CFAP77: variants seen among roughly 807,000 people sequenced by gnomAD.
The protein encoded by CFAP77 is cilia- and flagella-associated protein 77.
Under a neutral mutation model 31.1 loss-of-function variants are expected in CFAP77, and 25 were observed. The observed-to-expected ratio is 0.80, with a 90% CI of 0.59 to 1.12. The LOEUF (loss-of-function observed/expected upper bound fraction) is 1.12. Ranked by LOEUF, CFAP77 falls within the 50% of genes most tolerant of loss-of-function variation. CFAP77 has a pLI of 0.00. For synonymous variants in CFAP77, 151 were observed against 159.9 expected, an observed-to-expected ratio of 0.94 and a Z score of 0.42; for missense variants, 377 against 397.3, an observed-to-expected ratio of 0.95 and a Z score of 0.44.
At chr9:132,558,804 G>A (rs940144086) in intron 5 of CFAP77, among the ~76,000 whole-genome samples, 12 of 150,060 alleles carry the variant, frequency 8.0e-5, no homozygotes, top group African/African-American at 2.5e-4. Context: ...CCTGAGGTCG[G>A]GAGTTCGAGA....
At chr9:132,476,169 C>T (rs775484975) in intron 1 of CFAP77, among the ~76,000 whole-genome samples, 2 of 152,144 alleles carry the variant, frequency 1.3e-5, no homozygotes, top group Admixed American at 6.5e-5. Flanking sequence ...TCCCTTGTGG[C>T]GTTCCTCTAT....
At position 132,499,658 on chromosome 9, in the gene CFAP77, T is replaced by C. The variant is rs1589889086; in HGVS notation, c.524+58T>C. The C allele has an allele frequency of 6.6e-6, 10 of 1,510,200 alleles. No homozygotes were observed. The Admixed American group carries it at 1.7e-4, about 25-fold the overall frequency. The allele number at this position is 1,510,200 out of a possible 1,614,324, so 93.5% of individuals were successfully genotyped here. On this transcript the variant is annotated intron_variant, in intron 3 of 5. Coordinates refer to ENST00000393216, the MANE Select transcript of CFAP77 (RefSeq NM_001282957.2). The surrounding 1 kb of genome is among the most constrained non-coding windows in gnomAD (Gnocchi z 5.4). ...TGAGGGGGTGGAGGTACCAGCTCAA[T>C]CAGGGACAAGGTCGGAGGGTGACAG...
intron 1 of CFAP77, among the ~76,000 whole-genome samples, chr9:132,458,342 C>CGGGGGGGGGGGGGGGG (rs1554738844): frequency 1.4e-5 from 1 of 71,194 alleles, no homozygotes; most frequent in African/African-American, 5.5e-5. Context: ...GTCTCCCTGG[C>CGGGGGGGGGGGGGGGG]GGGGGAGGGG....
rs985409726 is a variant in CFAP77 at position 132,554,311 on chromosome 9, C to T, written c.732+11264C>T. ...GGGGCCTGAGAGTTGCTACACTTTT[C>T]TTCAGACTATGCTTTATGCAACCCT... On this transcript the variant is annotated intron_variant, in intron 5 of 5. Coordinates refer to ENST00000393216, the MANE Select transcript of CFAP77 (RefSeq NM_001282957.2). The surrounding 1 kb of genome is among the most constrained non-coding windows in gnomAD (Gnocchi z 4.1). Among the ~76,000 whole-genome samples, 2 of 152,108 alleles carry T rather than the reference C, an allele frequency of 1.3e-5. No homozygotes were observed. The highest frequency in any genetic ancestry group is 4.8e-5 in the African/African-American group (2 of 41,406).
At position 132,481,153 on chromosome 9, in the gene CFAP77, G is replaced by A. The variant is rs1369823810; in HGVS notation, c.196-17542G>A. Among the ~76,000 whole-genome samples the A allele has an allele frequency of 6.6e-6, 1 of 152,154 alleles. No homozygotes were observed. The highest frequency in any genetic ancestry group is 2.1e-4 in the South Asian group (1 of 4,826). On this transcript the variant is annotated intron_variant, in intron 1 of 5. Coordinates refer to ENST00000393216, the MANE Select transcript of CFAP77 (RefSeq NM_001282957.2). This position sits in a 1 kb window ranked among gnomAD's most constrained non-coding sequence, Gnocchi z 5.0. ...GTGTCTGCCGGCCATGGATACGACA[G>A]AGCCTGGGGACTGTAAGACCCCAAG...
intron 1 of CFAP77, among the ~76,000 whole-genome samples, chr9:132,442,996 A>C (rs1449218023): frequency 6.6e-6 from 1 of 151,966 alleles, no homozygotes; most frequent in Non-Finnish European, 1.5e-5. Context: ...ACCCCTGCTA[A>C]CCACTAACCT....
intron 1 of CFAP77, among the ~76,000 whole-genome samples, chr9:132,423,750 C>T (rs554870030): frequency 1.3e-5 from 2 of 152,290 alleles, no homozygotes; most frequent in Admixed American, 6.5e-5. Flanking sequence ...GTGTCTTGAG[C>T]CCAGAAAGGC....
chr9:132,445,159 A>T (rs758849445), intron 1 of CFAP77, among the ~76,000 whole-genome samples: 3 of 151,766 alleles, frequency 2.0e-5, no homozygotes, highest in Non-Finnish European at 2.9e-5. Flanking sequence ...TTTTTAGTAG[A>T]CACAGGGTTT....
intron 1 of CFAP77, among the ~76,000 whole-genome samples, chr9:132,416,591 C>T (rs1850104723): frequency 6.6e-6 from 1 of 151,106 alleles, no homozygotes; most frequent in South Asian, 2.1e-4. Flanking sequence ...GATCTGCCTG[C>T]CTCAGGCTCC....
intron 1 of CFAP77, among the ~76,000 whole-genome samples, chr9:132,433,945 T>A (rs1850459304): frequency 6.8e-6 from 1 of 146,864 alleles, no homozygotes; most frequent in African/African-American, 2.5e-5. Context: ...GAGACCAGCC[T>A]GGGCAACATA....
At chr9:132,436,801 G>C (rs1225911497) in intron 1 of CFAP77, among the ~76,000 whole-genome samples, 1 of 152,126 alleles carries the variant, frequency 6.6e-6, no homozygotes, top group Admixed American at 6.6e-5. Flanking sequence ...TTGATGAGTG[G>C]GGTAGTGAGG....
intron 1 of CFAP77, among the ~76,000 whole-genome samples, chr9:132,479,055 C>T (rs1171232767): frequency 6.6e-6 from 1 of 152,144 alleles, no homozygotes; most frequent in African/African-American, 2.4e-5. Context: ...GAGTCTTTTA[C>T]AATAATGGGT....
At chr9:132,432,980 C>G (rs1850438032) in intron 1 of CFAP77, among the ~76,000 whole-genome samples, 2 of 152,152 alleles carry the variant, frequency 1.3e-5, no homozygotes, top group Admixed American at 6.5e-5. Context: ...TCCCAAAGTG[C>G]TGGGATTACA....
In CFAP77 at chr9:132,481,358, C is replaced by G. The variant is rs2118904755; in HGVS notation, c.196-17337C>G. 6.6e-6 allele frequency among the ~76,000 whole-genome samples: 1 copy of G among 152,324 alleles called. No individual in the cohort carries two copies. The highest frequency in any genetic ancestry group is 2.4e-5 in the African/African-American group (1 of 41,572). On this transcript the variant is annotated intron_variant, in intron 1 of 5. Coordinates refer to ENST00000393216, the MANE Select transcript of CFAP77 (RefSeq NM_001282957.2). The surrounding 1 kb of genome is among the most constrained non-coding windows in gnomAD (Gnocchi z 5.0). The stretch of plus-strand genomic sequence containing the variant: ...TGGGGACTTCCCCTCTCCTGAAACC[C>G]CATCCAAGTCCTGCCCACTAAAGCT...
At position 132,572,515 on chromosome 9, in the gene CFAP77, T is replaced by G; in HGVS notation, c.*5T>G. 1.9e-6 allele frequency: 2 copies of G among 1,054,680 alleles called. No individual in the cohort carries two copies. The highest frequency in any genetic ancestry group is 2.7e-6 in the Non-Finnish European group (2 of 751,254). The allele number at this position is 1,054,680 out of a possible 1,614,324, so 65.3% of individuals were successfully genotyped here. ...GGCAACTACACCCACCCCTAGCCCC[T>G]CCCTCCCCTGCCACAAGAAGCCATC... On this transcript the variant is annotated 3_prime_UTR_variant, in exon 6 of 6. Coordinates refer to ENST00000393216, the MANE Select transcript of CFAP77 (RefSeq NM_001282957.2).
chr9:132,498,683 T>A lies in CFAP77; in HGVS notation c.196-12T>A. The A allele has an allele frequency of 6.2e-7, 1 of 1,602,942 alleles. No individual in the cohort carries two copies. The highest frequency in any genetic ancestry group is 8.5e-7 in the Non-Finnish European group (1 of 1,172,680). On this transcript the variant is annotated splice_polypyrimidine_tract_variant and intron_variant, in intron 1 of 5. Transcript: ENST00000393216. This position sits in a 1 kb window ranked among gnomAD's most constrained non-coding sequence, Gnocchi z 4.2. ...CACTCCTCACCTCTGCTCTCTGTCC[T>A]TCCCCCGACAGGCTGAACTCGGCAA...
intron 5 of CFAP77, among the ~76,000 whole-genome samples, chr9:132,571,187 C>T (rs1421471192): frequency 6.6e-6 from 1 of 152,116 alleles, no homozygotes; most frequent in Non-Finnish European, 1.5e-5. Flanking sequence ...ATGGGTCCTG[C>T]TTTATCCTGA....
intron 5 of CFAP77, among the ~76,000 whole-genome samples, chr9:132,560,482 A>C (rs1852977029): frequency 6.6e-6 from 1 of 152,200 alleles, no homozygotes; most frequent in Non-Finnish European, 1.5e-5. Context: ...TTCATTGTTC[A>C]ATTTTGATTT....
At chr9:132,571,883 AT>A (rs35207512) in intron 5 of CFAP77, among the ~76,000 whole-genome samples, 44,844 of 141,502 alleles carry the variant, frequency 0.32, 6,944 homozygotes, top group East Asian at 0.4. Flanking sequence ...TCTCCCTTGC[AT>A]TTTTTTTTTT....
Sources: allele counts gnomAD v4.1 joint callset (sites outside exome capture counted in the v4.1 genomes callset), GRCh38; gene constraint gnomAD v4.1.1; non-coding constraint Gnocchi (gnomAD v3.1); transcripts MANE v1.5; gene names NCBI Gene and HGNC (gene_info 2026-07-23, HGNC 2026-07-21).